SVIL: variants seen among roughly 807,000 people sequenced by gnomAD.
The protein encoded by SVIL is archvillin.
Under a neutral mutation model 240.4 loss-of-function variants are expected in SVIL, and 101 were observed. That is an observed-to-expected ratio of 0.42 (90% CI 0.36 to 0.50). The LOEUF is 0.50. Among genes scored for constraint, SVIL ranks in the 20% least tolerant of loss-of-function variants. SVIL has a pLI of 0.01. For synonymous variants in SVIL, 999 were observed against 1,100.0 expected (o/e 0.91, Z 1.82); for missense variants, 2,512 against 2,818.7 (o/e 0.89, Z 2.46).
chr10:29,529,899 G>C (rs115177975), intron 11 of SVIL, 55 bp from the exon 12 acceptor site: 4 of 1,524,164 alleles, frequency 2.6e-6, no homozygotes, highest in East Asian at 4.7e-5. Context: ...AGCTGGGCAC[G>C]GTGGCTCACG....
In SVIL at chr10:29,485,375, G is replaced by A. The variant is rs146873668; in HGVS notation, c.4780-544C>T. 3.0e-3 allele frequency among the ~76,000 whole-genome samples: 456 copies of A among 152,306 alleles called. 2 individuals carry two copies. The highest frequency in any genetic ancestry group is 0.011 in the African/African-American group (441 of 41,556). On this transcript the variant is annotated intron_variant, in intron 26 of 37. Coordinates refer to ENST00000355867, the MANE Select transcript of SVIL (RefSeq NM_021738.3). ...ACATGAATGTAATGCTATTTCTTAT[G>A]TTCATGGTTCATTTTATTCTTTCTC...
At chr10:29,475,660 CA>C (rs931791128) in intron 29 of SVIL, among the ~76,000 whole-genome samples, 2 of 152,072 alleles carry the variant, frequency 1.3e-5, no homozygotes, top group Non-Finnish European at 2.9e-5. Context: ...AATCTGGAAG[CA>C]GAAGCTTCTA....
intron 22 of SVIL, 135 bp from the exon 23 acceptor site, chr10:29,488,891 G>A (rs1372716559): frequency 9.9e-7 from 1 of 1,005,118 alleles, no homozygotes; most frequent in Non-Finnish European, 1.4e-6. Flanking sequence ...ACATACTCAA[G>A]TTTGATTAAA....
chr10:29,540,113 G>A (rs1044033023), intron 6 of SVIL, among the ~76,000 whole-genome samples: 8 of 152,192 alleles, frequency 5.3e-5, no homozygotes, highest in Non-Finnish European at 1.2e-4. Flanking sequence ...CCGCTTAGCA[G>A]CCAGCATAAT....
chr10:29,595,252 T>C (rs1417619173), intron 1 of SVIL, among the ~76,000 whole-genome samples: 5 of 152,172 alleles, frequency 3.3e-5, no homozygotes, highest in Non-Finnish European at 4.4e-5. Flanking sequence ...TCTGTGGGTA[T>C]GGAAGGGAGC....
Position 29,473,961 on chromosome 10 carries a change from C to A in SVIL, c.5406G>T (p.Ser1802=), listed in dbSNP as rs754086136. 75 of 1,613,794 alleles carry A rather than the reference C, an allele frequency of 4.6e-5. No individual in the cohort carries two copies. Among genetic ancestry groups the A allele is most frequent in the Admixed American group, 8.3e-5 (5 of 60,000 alleles). Residue 1802 remains serine (S), a synonymous_variant, in exon 30 of 38, where the codon TCG becomes TCT. Coordinates refer to ENST00000355867, the MANE Select transcript of SVIL (RefSeq NM_021738.3). ...AVGSRQKGEH[S]VRAAGKEKCV... ...ACTTCTCTTTGCCGGCTGCCCTCAC[C>A]GAGTGCTCTCCCTTCTGGCGACTTC...
chr10:29,464,212 G>A (rs1944615796), intron 34 of SVIL, among the ~76,000 whole-genome samples: 1 of 152,136 alleles, frequency 6.6e-6, no homozygotes, highest in African/African-American at 2.4e-5. Context: ...TGAGGAGGAA[G>A]GACTGCTTGA....
intron 35 of SVIL, among the ~76,000 whole-genome samples, chr10:29,463,248 G>T (rs1345774605): frequency 5.3e-5 from 8 of 152,198 alleles, no homozygotes; most frequent in Non-Finnish European, 7.3e-5. Context: ...TAACAAGTTA[G>T]CCTCATAATA....
rs1027016405 is a variant in SVIL at position 29,643,823 on chromosome 10, G to A, written c.-201+14146C>T. ...ATGAGCCAGCCAACTTTTCTCTCCC[G>A]GGCTGTAGCTTCAGAGCAATGGGTG... On this transcript the variant is annotated intron_variant, in intron 3 of 35. Transcript: ENST00000375400. Among the ~76,000 whole-genome samples the A allele has an allele frequency of 2.6e-5, 4 of 152,134 alleles. No homozygotes were observed. In the South Asian group the frequency reaches 6.2e-4, roughly 24 times the overall value.
At chr10:29,593,477 T>G (rs1956468200) in intron 1 of SVIL, among the ~76,000 whole-genome samples, 1 of 152,186 alleles carries the variant, frequency 6.6e-6, no homozygotes, top group Non-Finnish European at 1.5e-5. Flanking sequence ...GGCCCCCCAG[T>G]TGCCTATCTG....
chr10:29,695,055 C>A (rs1441754238), intron 1 of SVIL, among the ~76,000 whole-genome samples: 1 of 152,042 alleles, frequency 6.6e-6, no homozygotes, highest in Non-Finnish European at 1.5e-5. Context: ...GGTTCCAGAG[C>A]CTTGGAGAAC....
At chr10:29,517,900 T>C (rs973256413) in intron 16 of SVIL, among the ~76,000 whole-genome samples, 3 of 152,256 alleles carry the variant, frequency 2.0e-5, no homozygotes, top group African/African-American at 7.2e-5. Context: ...GTTTTATCCC[T>C]AAATAACATA....
chr10:29,458,344 T>A lies in SVIL; in HGVS notation c.6559-11A>T. On this transcript the variant is annotated splice_polypyrimidine_tract_variant and intron_variant, in intron 37 of 37. Transcript: ENST00000355867. ...CATGTCTAGTGCAAACTGGAAACAT[T>A]GGGAGAAGCGCCCCGCGGCTCAGTG... The A allele has an allele frequency of 1.9e-6, 3 of 1,614,058 alleles. No homozygotes were observed. Among genetic ancestry groups the A allele is most frequent in the Non-Finnish European group, 1.7e-6 (2 of 1,180,002 alleles).
intron 3 of SVIL, among the ~76,000 whole-genome samples, chr10:29,648,791 A>C (rs1958745909): frequency 6.6e-6 from 1 of 151,808 alleles, no homozygotes; most frequent in Non-Finnish European, 1.5e-5. Context: ...TCAAAGTTAT[A>C]AACCTAGGAC....
At chr10:29,626,714 T>C in intron 1 of SVIL, among the ~76,000 whole-genome samples, 1 of 151,816 alleles carries the variant, frequency 6.6e-6, no homozygotes, top group East Asian at 1.9e-4. Context: ...TTTAAAGAGG[T>C]GTCAGAAACT....
chr10:29,681,087 G>C (rs1960607249), intron 2 of SVIL, among the ~76,000 whole-genome samples: 1 of 152,144 alleles, frequency 6.6e-6, no homozygotes, highest in East Asian at 1.9e-4. Context: ...GTTCCCTGTG[G>C]AGGTGGGGCA....
At chr10:29,556,350 A>G (rs1318556021) in intron 3 of SVIL, among the ~76,000 whole-genome samples, 1 of 152,080 alleles carries the variant, frequency 6.6e-6, no homozygotes, top group African/African-American at 2.4e-5. Flanking sequence ...CACAGGAGAA[A>G]CTCAAAGGAA....
At chr10:29,589,323 AAGG>A (rs1956296457) in intron 1 of SVIL, among the ~76,000 whole-genome samples, 1 of 152,136 alleles carries the variant, frequency 6.6e-6, no homozygotes, top group African/African-American at 2.4e-5. Context: ...AACTTAGGCA[AAGG>A]AGGAGAGGAT....
chr10:29,632,490 C>CAAA (rs372500753), intron 1 of SVIL, among the ~76,000 whole-genome samples: 1 of 94,968 alleles, frequency 1.1e-5, no homozygotes, highest in Non-Finnish European at 2.2e-5. Context: ...GACTCCATCT[C>CAAA]AAAAAAAAAA....
Sources: allele counts gnomAD v4.1 joint callset (sites outside exome capture counted in the v4.1 genomes callset), GRCh38; gene constraint gnomAD v4.1.1; transcripts MANE v1.5; gene names NCBI Gene and HGNC (gene_info 2026-07-23, HGNC 2026-07-21).